Variants in PCDH7 observed in about 807,000 individuals in gnomAD.
PCDH7 encodes protocadherin 7.
In PCDH7, 17 loss-of-function variants were observed where a neutral mutation model predicts 58.9. The observed-to-expected ratio is 0.29, with a 90% CI of 0.20 to 0.43. The LOEUF (loss-of-function observed/expected upper bound fraction) is 0.43. PCDH7 is among the 20% of genes least tolerant of loss of function. The pLI is 1.00. For missense variants in PCDH7, 1,274 were observed against 1,441.0 expected (o/e 0.88, Z 1.88); for synonymous variants, 664 against 616.4 (o/e 1.08, Z -1.14).
At chr4:30,794,619 A>AT (rs59855710) in intron 1 of PCDH7, among the ~76,000 whole-genome samples, 4 of 151,466 alleles carry the variant, frequency 2.6e-5, no homozygotes, top group African/African-American at 9.7e-5. Context: ...TTTAAGTTTA[A>AT]TTTTTTTTTC....
chr4:30,965,274 GA>G (rs1406221126), intron 3 of PCDH7, among the ~76,000 whole-genome samples: 1 of 152,024 alleles, frequency 6.6e-6, no homozygotes, highest in Non-Finnish European at 1.5e-5. Context: ...ACAACTGGGA[GA>G]TAAAGCAATT....
chr4:31,122,607 A>AT lies in PCDH7; in HGVS notation c.*8-19856dup, dbSNP rs989525947. 6.7e-3 allele frequency among the ~76,000 whole-genome samples: 1,007 copies of AT among 149,738 alleles called. 15 individuals are homozygous for AT. Among genetic ancestry groups the AT allele is most frequent in the African/African-American group, 0.023 (958 of 40,910 alleles). ...AATCTGTTTAAAGATTCTTCAAATTATTTTTTTTTTCAAATGCTGATATAC... is the reference window on the plus strand; with the variant it reads ...AATCTGTTTAAAGATTCTTCAAATTATTTTTTTTTTTCAAATGCTGATATAC... On this transcript the variant is annotated intron_variant, in intron 3 of 3. Transcript: ENST00000509759.
chr4:30,850,530 C>G (rs1732589771), intron 1 of PCDH7, among the ~76,000 whole-genome samples: 1 of 151,856 alleles, frequency 6.6e-6, no homozygotes, highest in African/African-American at 2.4e-5. Context: ...CAGGGTTTTT[C>G]TTTTTTATTA....
chr4:31,060,213 T>C (rs752915035), intron 3 of PCDH7, among the ~76,000 whole-genome samples: 2 of 151,772 alleles, frequency 1.3e-5, no homozygotes, highest in Non-Finnish European at 3.0e-5. Flanking sequence ...GGACACATTG[T>C]CCCCAATCTT....
At chr4:31,005,819 A>G (rs1035457007) in intron 3 of PCDH7, among the ~76,000 whole-genome samples, 1 of 152,216 alleles carries the variant, frequency 6.6e-6, no homozygotes, top group Admixed American at 6.5e-5. Context: ...TTAAAAATTC[A>G]GTTCCGTTTT....
At position 31,051,833 on chromosome 4, in the gene PCDH7, T is replaced by TGTG. The variant is rs1553931613; in HGVS notation, c.*8-90639_*8-90638insTGG. On this transcript the variant is annotated intron_variant, in intron 3 of 3. Coordinates refer to the PCDH7 transcript ENST00000509759. Reference sequence around the variant, plus strand: ...AAACCAAAGCATTGTTGGGTGTGTGTGGGGGGCGGGTAGGGGAATTGTTCA... The same window carrying TGTG: ...AAACCAAAGCATTGTTGGGTGTGTGTGTGGGGGGGCGGGTAGGGGAATTGTTCA... 3.0e-5 allele frequency among the ~76,000 whole-genome samples: 4 copies of TGTG among 133,784 alleles called. No individual in the cohort carries two copies. In the East Asian group the frequency reaches 7.7e-4, roughly 26 times the overall value. The allele number at this position is 133,784 out of a possible 152,430, so 87.8% of individuals were successfully genotyped here.
At chr4:30,915,241 C>T (rs6856017) in intron 1 of PCDH7, among the ~76,000 whole-genome samples, 17,609 of 152,038 alleles carry the variant, frequency 0.12, 1,869 homozygotes, top group African/African-American at 0.28. Context: ...TTTTTTCATA[C>T]TTTTAAGGGT....
chr4:30,826,485 C>T (rs577527107), intron 1 of PCDH7, among the ~76,000 whole-genome samples: 1 of 152,128 alleles, frequency 6.6e-6, no homozygotes, highest in East Asian at 1.9e-4. Flanking sequence ...AGAAGCCATT[C>T]TGGAACTTAT....
intron 3 of PCDH7, among the ~76,000 whole-genome samples, chr4:30,958,616 T>C (rs1038880890): frequency 6.6e-6 from 1 of 151,976 alleles, no homozygotes; most frequent in Non-Finnish European, 1.5e-5. Flanking sequence ...TTTTAAAGTT[T>C]TAATAATATT....
intron 1 of PCDH7, among the ~76,000 whole-genome samples, chr4:30,774,821 C>T (rs1721860586): frequency 1.3e-5 from 2 of 152,180 alleles, no homozygotes; most frequent in South Asian, 2.1e-4. Context: ...TGAAGACATA[C>T]CTAACTGATA....
At chr4:30,912,277 A>T (rs1020961565) in intron 1 of PCDH7, among the ~76,000 whole-genome samples, 1 of 152,188 alleles carries the variant, frequency 6.6e-6, no homozygotes, top group Non-Finnish European at 1.5e-5. Flanking sequence ...GCACTATGGA[A>T]TCCTAAATAT....
At position 31,037,600 on chromosome 4, in the gene PCDH7, G is replaced by A. The variant is rs73115104; in HGVS notation, c.*7+87385G>A. ...ATTAAAATATTCAAAAGTCTCAAGT[G>A]TTGGAAGAAATGCTCTAGAATATAG... is the stretch of plus-strand genomic sequence containing the variant. On this transcript the variant is annotated intron_variant, in intron 3 of 3. Coordinates refer to the PCDH7 transcript ENST00000509759. 6.2e-3 allele frequency among the ~76,000 whole-genome samples: 944 copies of A among 152,288 alleles called. 7 individuals are homozygous for A. Among genetic ancestry groups the A allele is most frequent in the African/African-American group, 0.022 (913 of 41,552 alleles).
intron 3 of PCDH7, among the ~76,000 whole-genome samples, chr4:31,120,447 T>C (rs1388957082): frequency 6.7e-6 from 1 of 149,846 alleles, no homozygotes; most frequent in African/African-American, 2.4e-5. Context: ...TTTTCTTTTT[T>C]TTTTTTTTTT....
At chr4:31,096,909 G>A (rs1714068067) in intron 3 of PCDH7, among the ~76,000 whole-genome samples, 2 of 93,208 alleles carry the variant, frequency 2.1e-5, no homozygotes, top group African/African-American at 8.4e-5. Flanking sequence ...TAAATTCCTT[G>A]TTTGTGTGTG....
intron 3 of PCDH7, among the ~76,000 whole-genome samples, chr4:31,091,545 T>C (rs1488296632): frequency 1.3e-5 from 2 of 151,908 alleles, no homozygotes; most frequent in Non-Finnish European, 2.9e-5. Context: ...CAGTGATTTT[T>C]CAAACTTTTA....
intron 2 of PCDH7, among the ~76,000 whole-genome samples, chr4:30,941,209 G>T (rs554101072): frequency 6.6e-6 from 1 of 151,996 alleles, no homozygotes; most frequent in South Asian, 2.1e-4. Flanking sequence ...AGTGTGCAAA[G>T]TATTTCAAGT....
chr4:31,022,072 T>C (rs1473101696), intron 3 of PCDH7, among the ~76,000 whole-genome samples: 2 of 152,184 alleles, frequency 1.3e-5, no homozygotes, highest in Non-Finnish European at 2.9e-5. Flanking sequence ...AACACTTCCT[T>C]TGAATTACCT....
At chr4:30,961,069 G>C (rs538203651) in intron 3 of PCDH7, among the ~76,000 whole-genome samples, 1 of 152,160 alleles carries the variant, frequency 6.6e-6, no homozygotes, top group East Asian at 1.9e-4. Context: ...ATCTTTAAAA[G>C]ACTATTTTCT....
chr4:31,034,317 T>A (rs1357935792), intron 3 of PCDH7, among the ~76,000 whole-genome samples: 1 of 152,188 alleles, frequency 6.6e-6, no homozygotes, highest in Non-Finnish European at 1.5e-5. Flanking sequence ...CCTTCCCTCA[T>A]GCATCACCTC....
Sources: allele counts gnomAD v4.1 joint callset (sites outside exome capture counted in the v4.1 genomes callset), GRCh38; gene constraint gnomAD v4.1.1; transcripts MANE v1.5; gene names NCBI Gene and HGNC (gene_info 2026-07-23, HGNC 2026-07-21).